RPL17: variants seen among roughly 807,000 people sequenced by gnomAD.
The protein encoded by RPL17 is ribosomal protein L17, also known as large ribosomal subunit protein uL22.
RPL17 carries 2 observed loss-of-function variants against 27.7 expected under a neutral mutation model. The ratio of observed to expected loss-of-function variants is 0.07; its 90% CI spans 0.03 to 0.23. The LOEUF (loss-of-function observed/expected upper bound fraction) is 0.23. Among genes scored for constraint, RPL17 ranks in the 10% least tolerant of loss-of-function variants. The pLI, the probability that RPL17 is intolerant of heterozygous loss-of-function variation, is 1.00. For missense variants in RPL17, 141 were observed against 238.8 expected, an observed-to-expected ratio of 0.59 and a Z score of 2.70; for synonymous variants, 76 against 75.5, an observed-to-expected ratio of 1.01 and a Z score of -0.03.
intron 5 of RPL17, among the ~76,000 whole-genome samples, chr18:49,489,955 G>A (rs2083933930): frequency 6.6e-6 from 1 of 152,134 alleles, no homozygotes; most frequent in African/African-American, 2.4e-5. Context: ...AAAGGCTAAT[G>A]GGTAATATAC....
intron 6 of RPL17, among the ~76,000 whole-genome samples, chr18:49,488,897 C>CTACCAGTTT (rs1476407762): frequency 1.5e-5 from 2 of 134,828 alleles, no homozygotes; most frequent in Admixed American, 8.2e-5. Context: ...GAATATAAAA[C>CTACCAGTTT]TACCAGTTTT....
chr18:49,491,487 C>T, intron 2 of RPL17, 42 bp from the exon 3 acceptor site: 7 of 1,614,078 alleles, frequency 4.3e-6, no homozygotes, highest in Non-Finnish European at 5.9e-6. Flanking sequence ...GTATCTTATG[C>T]CAAGCCCCAA....
intron 5 of RPL17, 130 bp downstream of exon 5, chr18:49,490,324 C>A: frequency 1.0e-6 from 1 of 959,004 alleles, no homozygotes; most frequent in Non-Finnish European, 1.5e-6. Flanking sequence ...TCTGTGGAAA[C>A]TGCAGGTAGA....
At chr18:49,491,668 C>T (rs1162761301) in intron 1 of RPL17, 84 bp from the exon 2 acceptor site, 22 of 1,496,700 alleles carry the variant, frequency 1.5e-5, no homozygotes, top group Non-Finnish European at 2.0e-5. Flanking sequence ...CGAACAGCTG[C>T]TCAGAGAGTA....
chr18:49,492,353 T>C (rs1490788603), intron 1 of RPL17, 105 bp downstream of exon 1: 6 of 152,588 alleles, frequency 3.9e-5, no homozygotes. Flanking sequence ...TTAGTAGCCC[T>C]AGGAGTTCTC....
In RPL17 at chr18:49,489,348, T is replaced by C. The variant is rs1568500657; in HGVS notation, c.507+11A>G. ...ACTATCACAAACAAAACCGAGCAAC[T>C]ACTTATTTACCTTTTTCTTCTGGGC... On this transcript the variant is annotated intron_variant, in intron 6 of 6. Coordinates refer to ENST00000580261, the MANE Select transcript of RPL17 (RefSeq NM_001035006.5). The C allele has an allele frequency of 6.2e-7, 1 of 1,613,726 alleles. No individual in the cohort carries two copies. Among genetic ancestry groups the C allele is most frequent in the Non-Finnish European group, 8.5e-7 (1 of 1,179,726 alleles).
At chr18:49,491,088 C>A in intron 3 of RPL17, 161 bp from the exon 4 acceptor site, 2 of 1,191,022 alleles carry the variant, frequency 1.7e-6, no homozygotes, top group Non-Finnish European at 1.2e-6. Flanking sequence ...AGGTAAACTT[C>A]GTTGAAGCTA....
chr18:49,489,646 C>T lies in RPL17; in HGVS notation c.316-96G>A, dbSNP rs562976079. ...CTAAATATGAATTCCCAGGCTTGCT[C>T]CAGAGTCCTGCCTCAATGAAATCAT... On this transcript the variant is annotated intron_variant, in intron 5 of 6. Coordinates refer to ENST00000580261, the MANE Select transcript of RPL17 (RefSeq NM_001035006.5). 190 of 1,312,112 alleles carry T rather than the reference C, an allele frequency of 1.4e-4. 1 individual carries two copies. The African/African-American group carries it at 2.4e-3, about 17-fold the overall frequency. 81.3% of individuals were successfully genotyped at this position (1,312,112 alleles called of 1,614,324 possible).
intron 2 of RPL17, 33 bp downstream of exon 2, chr18:49,491,499 T>C: frequency 1.9e-6 from 3 of 1,614,128 alleles, no homozygotes; most frequent in Admixed American, 1.7e-5. Flanking sequence ...AAGCCCCAAG[T>C]AGGAAATGGG....
In RPL17 at chr18:49,489,120, C is replaced by G. The variant is rs2083872768; in HGVS notation, c.507+239G>C. On this transcript the variant is annotated intron_variant, in intron 6 of 6. Transcript: ENST00000580261. ...GTTTCACTGTGTTAGCCAGGATGGT[C>G]TCGATCTCCTGACCTTGTGATCCAC... 3 of 407,954 alleles carry G rather than the reference C, an allele frequency of 7.4e-6. No homozygotes were observed. The Admixed American group carries it at 1.1e-4, about 15-fold the overall frequency. 25.3% of individuals were successfully genotyped at this position (407,954 alleles called of 1,614,324 possible).
rs772683037 is a variant in RPL17, at chr18:49,489,356, T to A, written c.507+3A>T. ...AAACAAAACCGAGCAACTACTTATT[T>A]ACCTTTTTCTTCTGGGCAACCTCCT... On this transcript the variant is annotated splice_donor_region_variant and intron_variant, in intron 6 of 6. Coordinates refer to ENST00000580261, the MANE Select transcript of RPL17 (RefSeq NM_001035006.5). 1.2e-6 allele frequency: 2 copies of A among 1,613,760 alleles called. No homozygotes were observed. Among genetic ancestry groups the A allele is most frequent in the Non-Finnish European group, 8.5e-7 (1 of 1,179,850 alleles).
At chr18:49,491,761 CCT>C (rs753473417) in intron 1 of RPL17, 177 bp from the exon 2 acceptor site, 2 of 854,132 alleles carry the variant, frequency 2.3e-6, no homozygotes. Context: ...GCTTGCTTTC[CCT>C]TTTATCTTCC....
intron 5 of RPL17, among the ~76,000 whole-genome samples, chr18:49,490,079 C>A (rs2083943687): frequency 6.6e-6 from 1 of 152,076 alleles, no homozygotes; most frequent in Non-Finnish European, 1.5e-5. Flanking sequence ...GAAGGTAGGC[C>A]ACAAACCACA....
In RPL17 at chr18:49,490,775, G is replaced by T; in HGVS notation, c.216+18C>A. The T allele has an allele frequency of 3.7e-6, 6 of 1,612,462 alleles. No individual in the cohort carries two copies. The highest frequency in any genetic ancestry group is 5.1e-6 in the Non-Finnish European group (6 of 1,179,326). ...CCATTAAAATCTGTCTTTTCAAATG[G>T]CAACTAAGAATTCTCACCTGCGCAC... On this transcript the variant is annotated intron_variant, in intron 4 of 6. Transcript: ENST00000580261.
At chr18:49,491,135 C>A (rs1257897615) in intron 3 of RPL17, 4 of 911,552 alleles carry the variant, frequency 4.4e-6, no homozygotes, top group Non-Finnish European at 6.8e-6. Flanking sequence ...CACTATAAAA[C>A]GTTTAAATTC....
intron 3 of RPL17, chr18:49,491,195 G>A (rs1471757787): frequency 9.5e-6 from 9 of 951,036 alleles, no homozygotes; most frequent in East Asian, 4.8e-5. Context: ...CTGCACACTA[G>A]GTTTTCAAAT....
At chr18:49,491,095 G>T in intron 3 of RPL17, 168 bp from the exon 4 acceptor site, 1 of 1,144,732 alleles carries the variant, frequency 8.7e-7, no homozygotes, top group Non-Finnish European at 1.2e-6. Context: ...CTTCGTTGAA[G>T]CTAGAGAAAA....
At chr18:49,488,948 G>C (rs545204504) in intron 6 of RPL17, among the ~76,000 whole-genome samples, 2 of 151,908 alleles carry the variant, frequency 1.3e-5, no homozygotes, top group South Asian at 4.2e-4. Flanking sequence ...ACCCAGGCTG[G>C]AGTGCAGTGG....
At chr18:49,490,734 C>T in intron 4 of RPL17, 59 bp downstream of exon 4, 1 of 1,611,350 alleles carries the variant, frequency 6.2e-7, no homozygotes, top group Non-Finnish European at 8.5e-7. Flanking sequence ...CATTCTTATC[C>T]TATCCCATCA....
Sources: gnomAD v4.1 joint callset for allele counts (sites outside exome capture counted in the v4.1 genomes callset) on GRCh38, gnomAD v4.1.1 for gene constraint, MANE v1.5 for transcripts, NCBI Gene and HGNC (gene_info 2026-07-23, HGNC 2026-07-21) for gene names.